ZNF567: variants seen among roughly 807,000 people sequenced by gnomAD.
The protein encoded by ZNF567 is zinc finger protein 567.
Under a neutral mutation model 53.9 loss-of-function variants are expected in ZNF567, and 36 were observed. The ratio of observed to expected loss-of-function variants is 0.67; its 90% CI spans 0.51 to 0.88. The LOEUF is 0.88. Among genes scored for constraint, ZNF567 ranks in the 40% least tolerant of loss-of-function variants. The pLI is 0.00. For missense variants in ZNF567, 619 were observed against 764.7 expected (o/e 0.81, Z 2.25); for synonymous variants, 224 against 260.4 (o/e 0.86, Z 1.35).
At chr19:36,671,965 G>A in the ZNF567 span, among the ~76,000 whole-genome samples, 15 of 152,230 alleles carry the variant, frequency 9.9e-5, no homozygotes, top group African/African-American at 3.6e-4. Flanking sequence ...CCCCCCTCTT[G>A]CTACAATACC....
At chr19:36,722,687 A>G (rs2040314637), downstream of ZNF567, among the ~76,000 whole-genome samples, 1 of 152,232 alleles carries the variant, frequency 6.6e-6, no homozygotes, top group African/African-American at 2.4e-5. Context: ...TTGACATTAA[A>G]TATATTAAAC....
upstream of ZNF567, chr19:36,687,396 C>T (rs562392371): frequency 1.3e-5 from 2 of 152,470 alleles, no homozygotes; most frequent in South Asian, 2.1e-4. Context: ...TCGGGGCTTC[C>T]TCACCGTGAG....
At chr19:36,677,964 C>T in the ZNF567 span, among the ~76,000 whole-genome samples, 1 of 152,100 alleles carries the variant, frequency 6.6e-6, no homozygotes, top group Non-Finnish European at 1.5e-5. Flanking sequence ...GTGACTTTAT[C>T]TTCCTCTGTC....
chr19:36,679,123 A>G, the ZNF567 span, among the ~76,000 whole-genome samples: 1 of 152,050 alleles, frequency 6.6e-6, no homozygotes, highest in East Asian at 1.9e-4. Flanking sequence ...CGTCTCTAAT[A>G]AAAATACAAA....
At chr19:36,691,242 C>T (rs2038592379) in intron 2 of ZNF567, among the ~76,000 whole-genome samples, 2 of 152,032 alleles carry the variant, frequency 1.3e-5, no homozygotes, top group African/African-American at 4.8e-5. Context: ...ACTGCAGCCT[C>T]GATCTCCCTG....
chr19:36,700,847 A>G (rs2039142359), intron 3 of ZNF567, among the ~76,000 whole-genome samples: 2 of 151,660 alleles, frequency 1.3e-5, no homozygotes, highest in Non-Finnish European at 2.9e-5. Flanking sequence ...CGGTCTATCA[A>G]TTTTGTTGAT....
intron 5 of ZNF567, among the ~76,000 whole-genome samples, chr19:36,716,189 T>G (rs2040057812): frequency 6.6e-6 from 1 of 152,204 alleles, no homozygotes; most frequent in African/African-American, 2.4e-5. Context: ...TCATCTGGTC[T>G]TTTCAACTTT....
intron 5 of ZNF567, 126 bp downstream of exon 5, chr19:36,712,993 C>T (rs982444421): frequency 2.8e-6 from 2 of 718,558 alleles, no homozygotes; most frequent in African/African-American, 1.8e-5. Flanking sequence ...CTCTGAAAAC[C>T]TTCATGCCTA....
At chr19:36,721,732 C>CTTTTTTTTTTTTT (rs756276834), downstream of ZNF567, among the ~76,000 whole-genome samples, 8 of 121,672 alleles carry the variant, frequency 6.6e-5, no homozygotes, top group South Asian at 1.6e-3. Context: ...GTACCAGAGT[C>CTTTTTTTTTTTTT]TTTTTTTTTT....
At chr19:36,723,296 C>T, downstream of ZNF567, 1 of 699,078 alleles carries the variant, frequency 1.4e-6, no homozygotes, top group Non-Finnish European at 2.6e-6. Context: ...TTTGATTTTG[C>T]ATTTCCAGAC....
downstream of ZNF567, among the ~76,000 whole-genome samples, chr19:36,725,631 T>C (rs1008134131): frequency 6.6e-6 from 1 of 152,168 alleles, no homozygotes. Flanking sequence ...GGTGAGTTCT[T>C]AGCAATTACT....
At chr19:36,667,043 C>T in the ZNF567 span, among the ~76,000 whole-genome samples, 1 of 152,174 alleles carries the variant, frequency 6.6e-6, no homozygotes. Flanking sequence ...GTGGCTGCCC[C>T]GAACCCCTCA....
chr19:36,706,306 T>C (rs1233155777), intron 3 of ZNF567, among the ~76,000 whole-genome samples: 2 of 152,206 alleles, frequency 1.3e-5, no homozygotes, highest in African/African-American at 4.8e-5. Context: ...GTTTGGTTTT[T>C]GTTTCGAGAT....
At chr19:36,723,055 C>T, downstream of ZNF567, 1 of 612,366 alleles carries the variant, frequency 1.6e-6, no homozygotes. Context: ...GACTTATAAT[C>T]AGAACTGTGA....
Position 36,720,526 on chromosome 19 carries a change from A to C in ZNF567, c.1802A>C (p.Lys601Thr), listed in dbSNP as rs1182179628. The change falls in exon 6 of 6, where the codon AAG (lysine) becomes ACG (threonine). Residue 601 changes from lysine to threonine, a missense_variant. Physicochemically the swap from Lys to Thr is moderately conservative, Grantham distance 78. Coordinates refer to ENST00000682579, the MANE Select transcript of ZNF567 (RefSeq NM_001322917.1). Reference sequence around the variant, plus strand: ...GAATGTGGAAAGTGCTTCCGCCAGAAGACAAATCTTATTGTACATCAGAGA... The same window carrying C: ...GAATGTGGAAAGTGCTTCCGCCAGACGACAAATCTTATTGTACATCAGAGA... ...CSECGKCFRQ[K>T]TNLIVHQRTH... 4 of 1,614,074 alleles carry C rather than the reference A, an allele frequency of 2.5e-6. No homozygotes were observed. The highest frequency in any genetic ancestry group is 1.3e-5 in the African/African-American group (1 of 74,950).
At chr19:36,713,887 A>G (rs936710265) in intron 5 of ZNF567, among the ~76,000 whole-genome samples, 1 of 152,146 alleles carries the variant, frequency 6.6e-6, no homozygotes, top group Non-Finnish European at 1.5e-5. Context: ...GTGAGCCAAG[A>G]TCGTGCCATT....
At chr19:36,709,360 C>T (rs1262137181) in intron 3 of ZNF567, among the ~76,000 whole-genome samples, 1 of 152,120 alleles carries the variant, frequency 6.6e-6, no homozygotes, top group African/African-American at 2.4e-5. Flanking sequence ...TTGAAACAGT[C>T]ATATCTCATA....
At chr19:36,712,330 GA>G in intron 3 of ZNF567, 55 bp from the exon 4 acceptor site, 1 of 1,566,788 alleles carries the variant, frequency 6.4e-7, no homozygotes, top group Non-Finnish European at 8.7e-7. Flanking sequence ...TTACAGGCAT[GA>G]ACCACTGTAC....
intron 3 of ZNF567, among the ~76,000 whole-genome samples, chr19:36,698,293 A>T (rs1466027658): frequency 4.0e-5 from 6 of 151,612 alleles, no homozygotes; most frequent in African/African-American, 1.5e-4. Context: ...CATGGTGTAT[A>T]TGTGCCACAT....
Sources: gnomAD v4.1 joint callset for allele counts (sites outside exome capture counted in the v4.1 genomes callset) on GRCh38, gnomAD v4.1.1 for gene constraint, MANE v1.5 for transcripts, NCBI Gene and HGNC (gene_info 2026-07-23, HGNC 2026-07-21) for gene names.